The following IPMK variants were observed in gnomAD, a reference collection of about 807,000 sequenced individuals.
IPMK encodes the protein inositol polyphosphate multikinase.
A neutral mutation model predicts 45.8 loss-of-function variants in IPMK; 17 were observed. The ratio of observed to expected loss-of-function variants is 0.37; its 90% CI spans 0.25 to 0.56. The LOEUF (loss-of-function observed/expected upper bound fraction) is 0.56, where lower values mean the gene tolerates loss of function less well. Ranked by LOEUF, IPMK falls within the 20% of genes least tolerant of loss-of-function variation. IPMK has a pLI of 0.79. For missense variants in IPMK, 399 were observed against 498.0 expected, an observed-to-expected ratio of 0.80 and a Z score of 1.89; for synonymous variants, 180 against 184.3, an observed-to-expected ratio of 0.98 and a Z score of 0.19.
intron 1 of IPMK, among the ~76,000 whole-genome samples, chr10:58,240,796 G>A (rs1438064911): frequency 1.3e-5 from 2 of 152,276 alleles, no homozygotes; most frequent in Non-Finnish European, 2.9e-5. Flanking sequence ...GTAGATTCCA[G>A]TGAGGGTATA....
At chr10:58,225,597 A>G (rs890782153) in intron 3 of IPMK, among the ~76,000 whole-genome samples, 5 of 152,150 alleles carry the variant, frequency 3.3e-5, no homozygotes, top group African/African-American at 1.2e-4. Flanking sequence ...TTTGCTAGTT[A>G]TTCTACTCTT....
At chr10:58,244,434 G>A (rs1298106361) in intron 1 of IPMK, among the ~76,000 whole-genome samples, 5 of 133,768 alleles carry the variant, frequency 3.7e-5, no homozygotes, top group Non-Finnish European at 6.4e-5. Flanking sequence ...CAGCCACCCC[G>A]TCTGGGAGGT....
At chr10:58,267,067 T>C (rs1839158065) in intron 1 of IPMK, among the ~76,000 whole-genome samples, 2 of 152,314 alleles carry the variant, frequency 1.3e-5, no homozygotes, top group South Asian at 2.1e-4. Flanking sequence ...TAAACAGACC[T>C]TGTGCTCAAG....
intron 1 of IPMK, among the ~76,000 whole-genome samples, chr10:58,249,245 G>A (rs1838848501): frequency 6.6e-6 from 1 of 152,064 alleles, no homozygotes; most frequent in African/African-American, 2.4e-5. Flanking sequence ...TTTTGAGATA[G>A]GGTCTCTCTC....
rs1426214329 is a variant in IPMK, at chr10:58,194,025, G to T, written c.*2051C>A. 1 of 151,674 alleles carries T rather than the reference G, an allele frequency of 6.6e-6. No homozygotes were observed. The highest frequency in any genetic ancestry group is 1.9e-4 in the East Asian group (1 of 5,192). The allele number at this position is 151,674 out of a possible 1,614,324, so 9.4% of individuals were successfully genotyped here. On this transcript the variant is annotated 3_prime_UTR_variant, in exon 6 of 6. Transcript: ENST00000373935. ...TCTTGCTTTATTAAAAACAAAACAT[G>T]ATCTATTGTATCAAAAAGGTAAGAC...
At chr10:58,233,424 T>C (rs1460744101) in intron 2 of IPMK, among the ~76,000 whole-genome samples, 2 of 152,122 alleles carry the variant, frequency 1.3e-5, no homozygotes, top group African/African-American at 2.4e-5. Flanking sequence ...AAATCCTCAA[T>C]AAAATACTGG....
intron 2 of IPMK, among the ~76,000 whole-genome samples, chr10:58,233,841 T>C (rs1838565326): frequency 6.6e-6 from 1 of 152,090 alleles, no homozygotes; most frequent in African/African-American, 2.4e-5. Context: ...GAGAAAGAAG[T>C]GAAAGGCATT....
intron 1 of IPMK, among the ~76,000 whole-genome samples, chr10:58,253,785 A>C (rs1838922267): frequency 6.6e-6 from 1 of 151,492 alleles, no homozygotes. Context: ...AAATAGCTTT[A>C]CTGGGTACAA....
chr10:58,223,567 C>G (rs1424772764), intron 3 of IPMK, among the ~76,000 whole-genome samples: 1 of 152,120 alleles, frequency 6.6e-6, no homozygotes, highest in East Asian at 1.9e-4. Flanking sequence ...GGAAAATCTA[C>G]TAGGTATCAG....
chr10:58,240,413 T>C, intron 1 of IPMK, among the ~76,000 whole-genome samples: 1 of 150,968 alleles, frequency 6.6e-6, no homozygotes, highest in East Asian at 1.9e-4. Context: ...ACCCATAAGG[T>C]AATACCAAGA....
Position 58,211,337 on chromosome 10 carries a change from G to A in IPMK, c.546+4808C>T, listed in dbSNP as rs553266804. On this transcript the variant is annotated intron_variant, in intron 4 of 5. Coordinates refer to ENST00000373935, the MANE Select transcript of IPMK (RefSeq NM_152230.5). ...CTCTCGAGTAGCTGGGATTACAGGCGTGTGCCACCATATGCAACTAATTTT... is the reference window on the plus strand; with the variant it reads ...CTCTCGAGTAGCTGGGATTACAGGCATGTGCCACCATATGCAACTAATTTT... Among the ~76,000 whole-genome samples, 7 of 152,038 alleles carry A rather than the reference G, an allele frequency of 4.6e-5. No individual in the cohort carries two copies. The South Asian group carries it at 8.3e-4, about 18-fold the overall frequency.
In IPMK at chr10:58,267,161, T is replaced by A. The variant is rs554391755; in HGVS notation, c.190+261A>T. 3.9e-5 allele frequency among the ~76,000 whole-genome samples: 6 copies of A among 152,284 alleles called. No individual in the cohort carries two copies. The East Asian group carries it at 1.2e-3, about 29-fold the overall frequency. On this transcript the variant is annotated intron_variant, in intron 1 of 5. Transcript: ENST00000373935. ...GTCTCCAATCAACACCCAACCTCCC[T>A]GGGGGGTGGGTGAGACCAGACACGC...
At position 58,267,456 on chromosome 10, in the gene IPMK, C is replaced by T. The variant is rs1156249488; in HGVS notation, c.156G>A (p.Gln52=). Residue 52 remains glutamine, a synonymous_variant, in exon 1 of 6, where the codon CAG becomes CAA. Coordinates refer to ENST00000373935, the MANE Select transcript of IPMK (RefSeq NM_152230.5). ...FLNGCVPLSH[Q]VAGHMYGKDK... Reference sequence around the variant, plus strand: ...CCTTCCCGTACATGTGCCCGGCCACCTGATGCGAGAGGGGCACGCAGCCGT... The same window carrying T: ...CCTTCCCGTACATGTGCCCGGCCACTTGATGCGAGAGGGGCACGCAGCCGT... 6.2e-7 allele frequency: 1 copy of T among 1,613,732 alleles called. No individual in the cohort carries two copies. Among genetic ancestry groups the T allele is most frequent in the African/African-American group, 1.3e-5 (1 of 74,932 alleles).
At chr10:58,225,777 CTCCTT>C (rs1459697229) in intron 3 of IPMK, among the ~76,000 whole-genome samples, 1 of 152,094 alleles carries the variant, frequency 6.6e-6, no homozygotes, top group Non-Finnish European at 1.5e-5. Flanking sequence ...ACTGTACCTT[CTCCTT>C]TCCTTTATCT....
chr10:58,248,338 AT>A (rs1307465901), intron 1 of IPMK, among the ~76,000 whole-genome samples: 1 of 152,214 alleles, frequency 6.6e-6, no homozygotes, highest in Non-Finnish European at 1.5e-5. Flanking sequence ...AAAATTAAAA[AT>A]GTTGTATATT....
chr10:58,202,372 C>T (rs1838010400), intron 4 of IPMK, among the ~76,000 whole-genome samples: 1 of 152,076 alleles, frequency 6.6e-6, no homozygotes, highest in African/African-American at 2.4e-5. Flanking sequence ...GTCCTAGAGC[C>T]CTTAAGAATT....
At chr10:58,215,404 G>T (rs1005899231) in intron 4 of IPMK, among the ~76,000 whole-genome samples, 1 of 147,626 alleles carries the variant, frequency 6.8e-6, no homozygotes, top group Admixed American at 6.7e-5. Flanking sequence ...TTTTGGTAGG[G>T]GGGTGGCGTT....
rs1208896201 is a variant in IPMK at position 58,193,429 on chromosome 10, C to T, written c.*2647G>A. On this transcript the variant is annotated 3_prime_UTR_variant, in exon 6 of 6. Coordinates refer to ENST00000373935, the MANE Select transcript of IPMK (RefSeq NM_152230.5). ...CTCCACATTAGAGCCATTTAATATA[C>T]ACATTTCCATAACTGTTTCTTGAAA... is the stretch of plus-strand genomic sequence containing the variant. 2 of 151,820 alleles carry T rather than the reference C, an allele frequency of 1.3e-5. No individual in the cohort carries two copies. The highest frequency in any genetic ancestry group is 2.1e-4 in the South Asian group (1 of 4,834). 9.4% of individuals were successfully genotyped at this position (151,820 alleles called of 1,614,324 possible).
chr10:58,231,323 G>A (rs972810586), intron 2 of IPMK, among the ~76,000 whole-genome samples: 2 of 152,086 alleles, frequency 1.3e-5, no homozygotes, highest in Non-Finnish European at 2.9e-5. Context: ...AGGAAATACG[G>A]AGAATGCCAC....
Sources: gnomAD v4.1 joint callset for allele counts (sites outside exome capture counted in the v4.1 genomes callset) on GRCh38, gnomAD v4.1.1 for gene constraint, MANE v1.5 for transcripts, NCBI Gene and HGNC (gene_info 2026-07-23, HGNC 2026-07-21) for gene names.